CNNM2: variants seen among roughly 807,000 people sequenced by gnomAD.
CNNM2 encodes the protein metal transporter CNNM2.
A neutral mutation model predicts 66.9 loss-of-function variants in CNNM2; 12 were observed. The ratio of observed to expected loss-of-function variants is 0.18; its 90% CI spans 0.11 to 0.29. The LOEUF (loss-of-function observed/expected upper bound fraction) is 0.29. Ranked by LOEUF, CNNM2 falls within the 10% of genes least tolerant of loss-of-function variation. CNNM2 has a pLI of 1.00. For missense variants in CNNM2, 705 were observed against 1,167.7 expected, an observed-to-expected ratio of 0.60 and a Z score of 5.77; for synonymous variants, 557 against 501.8, an observed-to-expected ratio of 1.11 and a Z score of -1.47.
chr10:102,937,085 A>G (rs1377929744), intron 1 of CNNM2, among the ~76,000 whole-genome samples: 2 of 152,254 alleles, frequency 1.3e-5, no homozygotes, highest in Admixed American at 1.3e-4. Flanking sequence ...CACACGTGAC[A>G]TCTTAGTAAG....
In CNNM2 at chr10:103,054,512, CGT is replaced by C; in HGVS notation, c.1903+49_1903+50del. ...TTTGAGATCTCTACCAACCCTGAAG[CGT>C]GTTTCTCACCCACCACTGACTGGGG... is the stretch of plus-strand genomic sequence containing the variant. On this transcript the variant is annotated intron_variant, in intron 3 of 7. Transcript: ENST00000369878. The surrounding 1 kb of genome is among the most constrained non-coding windows in gnomAD (Gnocchi z 5.2). 1.3e-6 allele frequency: 2 copies of C among 1,591,874 alleles called. No homozygotes were observed. The highest frequency in any genetic ancestry group is 1.7e-6 in the Non-Finnish European group (2 of 1,165,994).
chr10:102,990,398 T>G (rs934927638), intron 1 of CNNM2, among the ~76,000 whole-genome samples: 1 of 152,154 alleles, frequency 6.6e-6, no homozygotes, highest in East Asian at 1.9e-4. Context: ...TGTAGGGATT[T>G]TGCGTGGGAA....
intron 1 of CNNM2, among the ~76,000 whole-genome samples, chr10:102,991,860 A>G (rs2063904192): frequency 6.6e-6 from 1 of 152,142 alleles, no homozygotes. Context: ...TTAACCAGTA[A>G]CACTTAGTCT....
At chr10:102,981,961 G>T (rs1371568549) in intron 1 of CNNM2, among the ~76,000 whole-genome samples, 1 of 151,720 alleles carries the variant, frequency 6.6e-6, no homozygotes, top group Non-Finnish European at 1.5e-5. Flanking sequence ...GCCAAGGTGT[G>T]CTTTTCTCAT....
intron 1 of CNNM2, among the ~76,000 whole-genome samples, chr10:102,956,862 C>T (rs2134198479): frequency 6.6e-6 from 1 of 152,220 alleles, no homozygotes; most frequent in East Asian, 1.9e-4. Flanking sequence ...GGAGAAATAC[C>T]TAATGTAAAT....
intron 4 of CNNM2, among the ~76,000 whole-genome samples, chr10:103,067,343 C>A (rs1412044426): frequency 1.3e-5 from 2 of 152,078 alleles, no homozygotes; most frequent in African/African-American, 4.8e-5. Context: ...GCTGAGGTTA[C>A]AGGTATGAGC....
rs1462072632 is a variant in CNNM2, at chr10:103,084,541, G to T, written c.*7361G>T. 1 of 152,140 alleles carries T rather than the reference G, an allele frequency of 6.6e-6. No homozygotes were observed. 9.4% of individuals were successfully genotyped at this position (152,140 alleles called of 1,614,324 possible). ...CACTCCCAGCCTCCTGCCTTGGTTT[G>T]TTTTTCCTGTTTTACTCACTTGGTC... On this transcript the variant is annotated 3_prime_UTR_variant, in exon 8 of 8. Transcript: ENST00000369878.
intron 1 of CNNM2, among the ~76,000 whole-genome samples, chr10:103,019,830 GTTCTA>G (rs2064536347): frequency 6.6e-6 from 1 of 152,086 alleles, no homozygotes; most frequent in South Asian, 2.1e-4. Flanking sequence ...TCGTAATAAG[GTTCTA>G]TATTGATATG....
chr10:103,035,371 A>G (rs375273591), intron 1 of CNNM2, among the ~76,000 whole-genome samples: 3 of 152,268 alleles, frequency 2.0e-5, no homozygotes, highest in East Asian at 1.9e-4. Context: ...CATGTTTTCC[A>G]TTGCCCATCA....
At chr10:102,960,165 T>C (rs2063358142) in intron 1 of CNNM2, among the ~76,000 whole-genome samples, 1 of 152,170 alleles carries the variant, frequency 6.6e-6, no homozygotes, top group African/African-American at 2.4e-5. Context: ...CTCAGCACAG[T>C]GCCTGACGCA....
chr10:102,943,030 G>A (rs559138154), intron 1 of CNNM2, among the ~76,000 whole-genome samples: 72 of 152,120 alleles, frequency 4.7e-4, no homozygotes, highest in Non-Finnish European at 9.0e-4. Flanking sequence ...TTCAAAACCA[G>A]CCTGGCCAAC....
intron 4 of CNNM2, among the ~76,000 whole-genome samples, chr10:103,061,253 C>T (rs1247519137): frequency 1.3e-5 from 2 of 152,134 alleles, no homozygotes; most frequent in East Asian, 1.9e-4. Context: ...CTTAGCTAGA[C>T]GTGTTGGTGT....
intron 1 of CNNM2, among the ~76,000 whole-genome samples, chr10:102,982,766 T>G (rs1474023931): frequency 6.6e-6 from 1 of 152,260 alleles, no homozygotes; most frequent in Non-Finnish European, 1.5e-5. Flanking sequence ...ATGACGATAC[T>G]CATTGTTATT....
chr10:102,945,795 T>A (rs907406558), intron 1 of CNNM2, among the ~76,000 whole-genome samples: 1 of 152,222 alleles, frequency 6.6e-6, no homozygotes, highest in Non-Finnish European at 1.5e-5. Context: ...CATGTTTATC[T>A]TTTCTTTTTT....
chr10:102,922,327 GA>G (rs1801169777), intron 1 of CNNM2, among the ~76,000 whole-genome samples: 1 of 133,628 alleles, frequency 7.5e-6, no homozygotes, highest in Non-Finnish European at 1.7e-5. Flanking sequence ...CCCTTTCTTG[GA>G]TTTTTTTTTT....
chr10:102,969,778 G>T (rs1361927624), intron 1 of CNNM2, among the ~76,000 whole-genome samples: 1 of 151,856 alleles, frequency 6.6e-6, no homozygotes, highest in Admixed American at 6.6e-5. Context: ...CGAGTAGCTG[G>T]GATTACAGGC....
Position 103,077,074 on chromosome 10 carries a change from A to C in CNNM2, c.2522A>C (p.Glu841Ala). Residue 841 changes from glutamate (E) to alanine (A), a missense_variant, in exon 8 of 8, where the codon GAG becomes GCG. Glu to Ala is a moderately radical substitution (Grantham distance 107). Around this residue, in one of 9 missense-constraint regions of CNNM2, gnomAD observed 194 missense variants for 227.6 expected, o/e 0.85. Coordinates refer to ENST00000369878, the MANE Select transcript of CNNM2 (RefSeq NM_017649.5). Reference sequence around the variant, plus strand: ...ACTAAAATCGAATTGACTCTTACGGAGCTGCATGACGGGTTGCCAGACGAG... The same window carrying C: ...ACTAAAATCGAATTGACTCTTACGGCGCTGCATGACGGGTTGCCAGACGAG... The part of the protein sequence containing the change: ...ENTKIELTLT[E>A]LHDGLPDETA... 6.2e-7 allele frequency: 1 copy of C among 1,613,994 alleles called. No individual in the cohort carries two copies. The highest frequency in any genetic ancestry group is 8.5e-7 in the Non-Finnish European group (1 of 1,179,890).
Position 102,918,768 on chromosome 10 carries a change from C to T in CNNM2, c.288C>T (p.Ser96=). The change falls in exon 1 of 8, where the codon AGC becomes AGT. Residue 96 remains serine, a synonymous_variant. Coordinates refer to ENST00000369878, the MANE Select transcript of CNNM2 (RefSeq NM_017649.5). This position sits in a 1 kb window ranked among gnomAD's most constrained non-coding sequence, Gnocchi z 4.1. ...TGGAAGGGGGGGCGCTGCGGGTGAG[C>T]GAACGGACCCGGGTCAAGCTGCGGG... ...SFMEGGALRV[S]ERTRVKLRVY... 6.3e-7 allele frequency: 1 copy of T among 1,596,952 alleles called. No individual in the cohort carries two copies. Among genetic ancestry groups the T allele is most frequent in the South Asian group, 1.1e-5 (1 of 88,294 alleles).
intron 1 of CNNM2, among the ~76,000 whole-genome samples, chr10:102,936,048 T>C (rs929850299): frequency 6.6e-6 from 1 of 151,596 alleles, no homozygotes; most frequent in African/African-American, 2.4e-5. Context: ...GCTGGTAATC[T>C]GAGAGGGAGA....
Sources: allele counts gnomAD v4.1 joint callset (sites outside exome capture counted in the v4.1 genomes callset), GRCh38; gene constraint gnomAD v4.1.1; regional missense constraint gnomAD v4.1.1; non-coding constraint Gnocchi (gnomAD v3.1); transcripts MANE v1.5; gene names NCBI Gene and HGNC (gene_info 2026-07-23, HGNC 2026-07-21).